The following PATJ variants were observed in gnomAD, a reference collection of about 807,000 sequenced individuals.
The protein encoded by PATJ is PATJ crumbs cell polarity complex component.
In PATJ, 190 loss-of-function variants were observed where a neutral mutation model predicts 224.9. That is an observed-to-expected ratio of 0.84 (90% confidence interval 0.75 to 0.95). The LOEUF (loss-of-function observed/expected upper bound fraction) is 0.95. PATJ is among the 40% of genes least tolerant of loss of function. The probability of loss-of-function intolerance (pLI) is 0.00; values close to 1 mark genes in which losing one functional copy is unlikely to be tolerated. For missense variants in PATJ, 2,121 were observed against 2,270.3 expected (o/e 0.93, Z 1.34); for synonymous variants, 769 against 820.3 (o/e 0.94, Z 1.07).
intron 11 of PATJ, among the ~76,000 whole-genome samples, chr1:61,798,370 AT>A (rs1376962977): frequency 6.6e-6 from 1 of 150,838 alleles, no homozygotes. Flanking sequence ...ATTTATTTTT[AT>A]TTTTTTTGTA....
At chr1:62,125,487 T>A (rs1665629907) in intron 39 of PATJ, among the ~76,000 whole-genome samples, 2 of 152,204 alleles carry the variant, frequency 1.3e-5, no homozygotes, top group African/African-American at 4.8e-5. Flanking sequence ...AAATCTGCCT[T>A]ATTTGTTCCC....
intron 29 of PATJ, among the ~76,000 whole-genome samples, chr1:62,029,923 A>G (rs1648881501): frequency 6.6e-6 from 1 of 152,212 alleles, no homozygotes; most frequent in Admixed American, 6.5e-5. Flanking sequence ...AGGCAAAACA[A>G]ACATCCATAG....
chr1:61,797,124 T>C (rs1416570579), intron 10 of PATJ, among the ~76,000 whole-genome samples, 163 bp from the exon 11 acceptor site: 1 of 152,178 alleles, frequency 6.6e-6, no homozygotes, highest in Non-Finnish European at 1.5e-5. Context: ...TCCACCCACC[T>C]TGACCTACCA....
chr1:61,978,243 C>G (rs1483347953), intron 27 of PATJ, among the ~76,000 whole-genome samples: 1 of 143,196 alleles, frequency 7.0e-6, no homozygotes, highest in Non-Finnish European at 1.5e-5. Flanking sequence ...CTCCCTCCCT[C>G]CCTCCTTCCT....
chr1:62,078,727 C>T (rs1350949333), intron 31 of PATJ: 1 of 152,476 alleles, frequency 6.6e-6, no homozygotes, highest in Admixed American at 6.6e-5. Flanking sequence ...CTGAGTTACT[C>T]ATGTCTTCAG....
rs2149029376 is a variant in PATJ at position 61,875,380 on chromosome 1, G to C, written c.2959+14G>C. On this transcript the variant is annotated intron_variant, in intron 21 of 43. Transcript: ENST00000642238. ...GTCTGGATTTAGGTTTGTGACTTTT[G>C]TTTCTCATAAACACAAATTACATTA... 1.3e-6 allele frequency: 2 copies of C among 1,589,640 alleles called. No homozygotes were observed. The highest frequency in any genetic ancestry group is 4.5e-5 in the East Asian group (2 of 44,204).
Position 62,136,015 on chromosome 1 carries a change from A to ATTTTT in PATJ, c.5271+7095_5271+7099dup, listed in dbSNP as rs374594803. Among the ~76,000 whole-genome samples, 563 of 63,908 alleles carry ATTTTT rather than the reference A, an allele frequency of 8.8e-3. 68 individuals carry two copies. Among genetic ancestry groups the ATTTTT allele is most frequent in the African/African-American group, 0.013 (200 of 15,580 alleles). The allele number at this position is 63,908 out of a possible 152,430, so 41.9% of individuals were successfully genotyped here. A position where few individuals can be genotyped will look rare whatever the true frequency, so the allele number is the denominator to read the frequency against. On this transcript the variant is annotated intron_variant, in intron 41 of 43. Coordinates refer to ENST00000642238, the MANE Select transcript of PATJ (RefSeq NM_001350145.3). ...GCTTCACACTTCTTCAGACCATTAG[A>ATTTTT]TTTTTTTTTTTTTTTTTTTTTTTTT...
chr1:61,759,798 C>T (rs1645861551), intron 1 of PATJ, among the ~76,000 whole-genome samples: 1 of 152,156 alleles, frequency 6.6e-6, no homozygotes, highest in African/African-American at 2.4e-5. Context: ...CCCCCTTTGC[C>T]AGTTTTTCTT....
Position 62,136,520 on chromosome 1 carries a change from C to G in PATJ, c.5271+7575C>G, listed in dbSNP as rs1417437908. 2.1e-5 allele frequency among the ~76,000 whole-genome samples: 3 copies of G among 144,192 alleles called. No homozygotes were observed. The East Asian group carries it at 6.2e-4, about 30-fold the overall frequency. 94.6% of individuals were successfully genotyped at this position (144,192 alleles called of 152,430 possible). ...GTGTGTGTTTTTCTGTAATGTGTCCCCATCTTAAGATGCCAGCTTTCTCAG... is the reference window on the plus strand; with the variant it reads ...GTGTGTGTTTTTCTGTAATGTGTCCGCATCTTAAGATGCCAGCTTTCTCAG... On this transcript the variant is annotated intron_variant, in intron 41 of 43. Transcript: ENST00000642238.
chr1:62,090,036 G>T (rs1660530080), intron 33 of PATJ, among the ~76,000 whole-genome samples: 1 of 152,128 alleles, frequency 6.6e-6, no homozygotes, highest in Admixed American at 6.6e-5. Flanking sequence ...CTGGAACCTG[G>T]TCTTGACACC....
chr1:61,806,734 G>A (rs1653645171), intron 13 of PATJ, among the ~76,000 whole-genome samples: 1 of 152,094 alleles, frequency 6.6e-6, no homozygotes, highest in Non-Finnish European at 1.5e-5. Flanking sequence ...TTTGAATATG[G>A]TTATTAGGCT....
intron 28 of PATJ, among the ~76,000 whole-genome samples, chr1:61,998,734 G>A (rs1645567750): frequency 2.0e-5 from 3 of 152,052 alleles, no homozygotes; most frequent in South Asian, 4.2e-4. Context: ...CCAACTGCAG[G>A]AACTATTATG....
At chr1:61,940,315 C>T (rs1677610917) in intron 27 of PATJ, among the ~76,000 whole-genome samples, 1 of 152,062 alleles carries the variant, frequency 6.6e-6, no homozygotes. Flanking sequence ...TAAGAAGTGG[C>T]ACATGGGAAG....
At chr1:62,060,832 G>A (rs1010358786) in intron 31 of PATJ, among the ~76,000 whole-genome samples, 1 of 152,064 alleles carries the variant, frequency 6.6e-6, no homozygotes, top group Non-Finnish European at 1.5e-5. Flanking sequence ...ATAAGCCACT[G>A]CACCAGACCT....
chr1:62,115,341 A>G (rs558578277), intron 35 of PATJ, among the ~76,000 whole-genome samples: 4 of 152,014 alleles, frequency 2.6e-5, no homozygotes, highest in Admixed American at 2.6e-4. Flanking sequence ...AAAGAGGTAT[A>G]TGTTGCCTAG....
At position 61,795,730 on chromosome 1, in the gene PATJ, A is replaced by C. The variant is rs550125791; in HGVS notation, c.1260+172A>C. 3.7e-4 allele frequency among the ~76,000 whole-genome samples: 57 copies of C among 152,276 alleles called. 2 individuals are homozygous for C. The highest frequency in any genetic ancestry group is 3.4e-3 in the Middle Eastern group (1 of 294). On this transcript the variant is annotated intron_variant, in intron 10 of 43. Coordinates refer to ENST00000642238, the MANE Select transcript of PATJ (RefSeq NM_001350145.3). The stretch of plus-strand genomic sequence containing the variant: ...ATTTTGGACTCTTCTTCCTACATTA[A>C]ATTTTTTTTCACCGTCAGTGAAGAA...
chr1:61,979,730 A>G (rs911548300), intron 27 of PATJ, among the ~76,000 whole-genome samples: 1 of 152,082 alleles, frequency 6.6e-6, no homozygotes, highest in Non-Finnish European at 1.5e-5. Context: ...TCATAAGGAA[A>G]TGAAGTCCCA....
intron 27 of PATJ, among the ~76,000 whole-genome samples, chr1:61,931,116 A>G (rs567771731): frequency 6.6e-6 from 1 of 152,348 alleles, no homozygotes; most frequent in Non-Finnish European, 1.5e-5. Flanking sequence ...GGCGTGAGCC[A>G]TCACACACTA....
chr1:61,752,465 C>T (rs2148197332), intron 1 of PATJ, among the ~76,000 whole-genome samples: 1 of 152,082 alleles, frequency 6.6e-6, no homozygotes, highest in South Asian at 2.1e-4. Context: ...AGGCATCTGT[C>T]ACCACACCTG....
Sources: allele counts gnomAD v4.1 joint callset (sites outside exome capture counted in the v4.1 genomes callset), GRCh38; gene constraint gnomAD v4.1.1; transcripts MANE v1.5; gene names NCBI Gene and HGNC (gene_info 2026-07-23, HGNC 2026-07-21).